The following COL10A1 variants were observed in gnomAD, a reference collection of about 807,000 sequenced individuals.
COL10A1 encodes the protein collagen type X alpha 1 chain.
COL10A1 carries 10 observed loss-of-function variants against 18.2 expected under a neutral mutation model. That is an observed-to-expected ratio of 0.55 (90% confidence interval 0.34 to 0.93). The LOEUF is 0.93. COL10A1 is among the 40% of genes least tolerant of loss of function. The probability of loss-of-function intolerance (pLI) is 0.02; values close to 1 mark genes in which losing one functional copy is unlikely to be tolerated. For missense variants in COL10A1, 897 were observed against 853.5 expected (o/e 1.05, Z -0.64); for synonymous variants, 330 against 316.6 (o/e 1.04, Z -0.45).
the COL10A1 span, among the ~76,000 whole-genome samples, chr6:116,209,095 AAT>A: frequency 1.3e-5 from 2 of 152,052 alleles, no homozygotes; most frequent in Non-Finnish European, 2.9e-5. Flanking sequence ...ACTTTCTAGT[AAT>A]AGTGCATTAT....
the COL10A1 span, among the ~76,000 whole-genome samples, chr6:116,170,902 C>G: frequency 6.6e-6 from 1 of 152,162 alleles, no homozygotes; most frequent in Non-Finnish European, 1.5e-5. Flanking sequence ...TTAAGGTCAC[C>G]TCCTCCCTTA....
rs747712394 is a variant in COL10A1 at position 116,120,121 on chromosome 6, A to T, written c.1995T>A (p.Ser665=). 1 of 1,614,132 alleles carries T rather than the reference A, an allele frequency of 6.2e-7. No individual in the cohort carries two copies. The highest frequency in any genetic ancestry group is 1.1e-5 in the South Asian group (1 of 91,084). The change falls in exon 3 of 3, where the codon TCT becomes TCA. Residue 665 remains serine (S), a synonymous_variant. Transcript: ENST00000651968. ...CTGAGAAAGAGGAGTGGACATACTC[A>T]GAGGAGTATAGGCCATTTGACTCGG... ...PNAESNGLYS[S]EYVHSSFSGF...
chr6:116,161,347 TAAA>T (rs1358574976), upstream of COL10A1, among the ~76,000 whole-genome samples: 1 of 150,932 alleles, frequency 6.6e-6, no homozygotes, highest in African/African-American at 2.4e-5. Flanking sequence ...ATAATAATAA[TAAA>T]AAATAATAAT....
intron 1 of COL10A1, among the ~76,000 whole-genome samples, chr6:116,138,017 G>T (rs576604013): frequency 6.6e-6 from 1 of 151,918 alleles, no homozygotes; most frequent in Non-Finnish European, 1.5e-5. Context: ...GGCAGAGGTT[G>T]CAGTGAGCCA....
At chr6:116,159,799 C>T (rs1395781416), upstream of COL10A1, among the ~76,000 whole-genome samples, 1 of 152,130 alleles carries the variant, frequency 6.6e-6, no homozygotes, top group Non-Finnish European at 1.5e-5. Context: ...CTTTTGGAGT[C>T]CCCAATATCT....
chr6:116,122,082 G>A, intron 2 of COL10A1, 121 bp from the exon 3 acceptor site: 1 of 911,394 alleles, frequency 1.1e-6, no homozygotes, highest in Non-Finnish European at 1.8e-6. Flanking sequence ...ATTCCATGTA[G>A]ACAGAACAGT....
chr6:116,123,616 TC>T (rs1779203238), intron 2 of COL10A1, among the ~76,000 whole-genome samples: 1 of 152,238 alleles, frequency 6.6e-6, no homozygotes, highest in South Asian at 2.1e-4. Context: ...ATGTAATAAC[TC>T]TTTGAATTCC....
chr6:116,185,963 C>T, the COL10A1 span, among the ~76,000 whole-genome samples: 10 of 151,960 alleles, frequency 6.6e-5, no homozygotes, highest in South Asian at 1.5e-3. Flanking sequence ...TTTTATAGAT[C>T]CTGTGAGATT....
At chr6:116,128,011 G>A (rs1466426768), upstream of COL10A1, among the ~76,000 whole-genome samples, 1 of 152,040 alleles carries the variant, frequency 6.6e-6, no homozygotes, top group Non-Finnish European at 1.5e-5. Context: ...GATTATTCCT[G>A]TGCTTGAGGT....
chr6:116,169,729 G>T, the COL10A1 span, among the ~76,000 whole-genome samples: 1 of 152,220 alleles, frequency 6.6e-6, no homozygotes, highest in African/African-American at 2.4e-5. Context: ...AGATACCCAT[G>T]TGATGTCCTA....
At chr6:116,195,643 T>C in the COL10A1 span, among the ~76,000 whole-genome samples, 2 of 152,170 alleles carry the variant, frequency 1.3e-5, no homozygotes, top group South Asian at 4.1e-4. Context: ...TGGCTGGCTA[T>C]CAGAACAGCT....
At chr6:116,145,521 T>C (rs1381048799) in intron 1 of COL10A1, 4 of 323,018 alleles carry the variant, frequency 1.2e-5, no homozygotes, top group Middle Eastern at 3.9e-4. Context: ...TCCTGTATTA[T>C]TTCATTAGAA....
At chr6:116,163,141 A>AAATATATATATAT (rs761718922), upstream of COL10A1, among the ~76,000 whole-genome samples, 96 of 88,370 alleles carry the variant, frequency 1.1e-3, 1 homozygote, top group African/African-American at 5.1e-3. Flanking sequence ...AAAAAAAAAA[A>AAATATATATATAT]ATATATATAT....
chr6:116,121,761 C>CT lies in COL10A1; in HGVS notation c.354dup (p.Glu119ArgfsTer83). On this transcript the variant is annotated frameshift_variant, in exon 3 of 3. Coordinates refer to ENST00000651968, the MANE Select transcript of COL10A1 (RefSeq NM_000493.4). LOFTEE classifies it low-confidence loss of function (END_TRUNC). Reference sequence around the variant, plus strand: ...CCTTTTGGTCCATATGGTCCTCTCTCTCCTGGTTTTCCTGGGAGTCCTGGC... The same window carrying CT: ...CCTTTTGGTCCATATGGTCCTCTCTCTTCCTGGTTTTCCTGGGAGTCCTGGC... 9.9e-6 allele frequency: 16 copies of CT among 1,613,922 alleles called. No individual in the cohort carries two copies. Among genetic ancestry groups the CT allele is most frequent in the Non-Finnish European group, 1.3e-5 (15 of 1,179,962 alleles).
Position 116,121,639 on chromosome 6 carries a change from T to A in COL10A1, c.477A>T (p.Gly159=). 1 of 1,613,938 alleles carries A rather than the reference T, an allele frequency of 6.2e-7. No individual in the cohort carries two copies. Among genetic ancestry groups the A allele is most frequent in the Non-Finnish European group, 8.5e-7 (1 of 1,179,862 alleles). Residue 159 remains glycine, a synonymous_variant, in exon 3 of 3, where the codon GGA becomes GGT. Transcript: ENST00000651968. ...CTGGGGCTCCTGTGGGTCCCTGTTG[T>A]CCAGGTTTTCCTGGCACAGAAATTC... ...PAGISVPGKP[G]QQGPTGAPGP...
At chr6:116,212,155 A>G in the COL10A1 span, among the ~76,000 whole-genome samples, 1 of 152,082 alleles carries the variant, frequency 6.6e-6, no homozygotes, top group Non-Finnish European at 1.5e-5. Flanking sequence ...TGTCAAAACA[A>G]TTATCAGAGT....
chr6:116,121,396 C>T lies in COL10A1; in HGVS notation c.720G>A (p.Pro240=), dbSNP rs112875740. 3.7e-5 allele frequency: 60 copies of T among 1,614,004 alleles called. No individual in the cohort carries two copies. In the Middle Eastern group the frequency reaches 6.6e-4, roughly 18 times the overall value. Residue 240 remains proline (P), a synonymous_variant, in exon 3 of 3, where the codon CCG becomes CCA. Transcript: ENST00000651968. The stretch of plus-strand genomic sequence containing the variant: ...GTGGGCCAATTGGTCCCATTTCTCC[C>T]GGAAAACCTCTATCACCTTTGATGC... ...QPGIKGDRGF[P]GEMGPIGPPG... is the part of the protein sequence containing the mutation.
chr6:116,172,421 A>T, the COL10A1 span, among the ~76,000 whole-genome samples: 1 of 147,046 alleles, frequency 6.8e-6, no homozygotes. Context: ...TCCCGGGTTC[A>T]GGCAATTCTC....
rs1311000731 is a variant in COL10A1, at chr6:116,119,039, T to C, written c.*1034A>G. ...TCAGCCTAAAAATCTATTGATGTTA[T>C]TTTATTGCGTCGTAAATAAGGAGTA... On this transcript the variant is annotated 3_prime_UTR_variant, in exon 3 of 3. Transcript: ENST00000651968. 6.5e-6 allele frequency: 1 copy of C among 152,676 alleles called. No homozygotes were observed. Among genetic ancestry groups the C allele is most frequent in the Non-Finnish European group, 1.5e-5 (1 of 68,048 alleles). 9.5% of individuals were successfully genotyped at this position (152,676 alleles called of 1,614,324 possible).
Sources: allele counts gnomAD v4.1 joint callset (sites outside exome capture counted in the v4.1 genomes callset), GRCh38; gene constraint gnomAD v4.1.1; transcripts MANE v1.5; gene names NCBI Gene and HGNC (gene_info 2026-07-23, HGNC 2026-07-21).